AFAP1L2: variants seen among roughly 807,000 people sequenced by gnomAD.
AFAP1L2 encodes actin filament-associated protein 1-like 2.
Under a neutral mutation model 99.3 loss-of-function variants are expected in AFAP1L2, and 46 were observed. The observed-to-expected ratio is 0.46, with a 90% CI of 0.37 to 0.59. The LOEUF (loss-of-function observed/expected upper bound fraction) is 0.59, where lower values mean the gene tolerates loss of function less well. Ranked by LOEUF, AFAP1L2 falls within the 20% of genes least tolerant of loss-of-function variation. The pLI is 0.00. For synonymous variants in AFAP1L2, 397 were observed against 419.1 expected (o/e 0.95, Z 0.64); for missense variants, 959 against 1,034.9 (o/e 0.93, Z 1.01).
rs2040897218 is a variant in AFAP1L2 at position 114,300,213 on chromosome 10, C to T, written c.1938G>A (p.Arg646=). The change falls in exon 15 of 19, where the codon AGG becomes AGA. Residue 646 remains arginine (R), a synonymous_variant. Transcript: ENST00000304129. ...PPGASPPVKD[R]LRVTSAEIKL... Reference sequence around the variant, plus strand: ...AAGTACCTGCACTGGTCACGCGCAACCTGTCCTTCACAGGTGGGCTGGCAC... The same window carrying T: ...AAGTACCTGCACTGGTCACGCGCAATCTGTCCTTCACAGGTGGGCTGGCAC... 1 of 1,614,200 alleles carries T rather than the reference C, an allele frequency of 6.2e-7. No homozygotes were observed. The highest frequency in any genetic ancestry group is 8.5e-7 in the Non-Finnish European group (1 of 1,180,040).
In AFAP1L2 at chr10:114,318,442, T is replaced by C. The variant is rs563985844; in HGVS notation, c.407-2677A>G. On this transcript the variant is annotated intron_variant, in intron 5 of 18. Transcript: ENST00000304129. The stretch of plus-strand genomic sequence containing the variant: ...AGGACTAGGTATGAAAGAAAAAACA[T>C]TGAGAAAAAAAAGAGGCTGGGCATG... Among the ~76,000 whole-genome samples, 5 of 151,840 alleles carry C rather than the reference T, an allele frequency of 3.3e-5. 1 individual carries two copies. In the South Asian group the frequency reaches 1.0e-3, roughly 32 times the overall value.
intron 1 of AFAP1L2, among the ~76,000 whole-genome samples, chr10:114,361,234 A>C (rs2052364277): frequency 6.6e-6 from 1 of 152,182 alleles, no homozygotes; most frequent in Admixed American, 6.5e-5. Context: ...AAGAGATTTG[A>C]GTGGGGACAC....
At chr10:114,304,604 AAC>A in intron 11 of AFAP1L2, 113 bp downstream of exon 11, 1 of 1,078,452 alleles carries the variant, frequency 9.3e-7, no homozygotes, top group African/African-American at 1.6e-5. Flanking sequence ...AAGTAAAAAT[AAC>A]ACGCGGGGAC....
intron 1 of AFAP1L2, among the ~76,000 whole-genome samples, chr10:114,341,596 A>T (rs1432560766): frequency 6.8e-6 from 1 of 146,612 alleles, no homozygotes; most frequent in Admixed American, 7.1e-5. Flanking sequence ...CTGGTGACAG[A>T]GCAAGACTCC....
At chr10:114,399,099 A>G (rs185071407) in intron 1 of AFAP1L2, among the ~76,000 whole-genome samples, 14 of 152,208 alleles carry the variant, frequency 9.2e-5, no homozygotes, top group East Asian at 7.7e-4. Flanking sequence ...CCACTCCCCA[A>G]TCATGTCCCA....
intron 1 of AFAP1L2, among the ~76,000 whole-genome samples, chr10:114,382,862 T>G (rs1018577745): frequency 6.6e-6 from 1 of 152,146 alleles, no homozygotes; most frequent in African/African-American, 2.4e-5. Context: ...CCCAAAATGC[T>G]AGGATTATAG....
chr10:114,387,270 C>T (rs1420320965), intron 1 of AFAP1L2, among the ~76,000 whole-genome samples: 1 of 152,144 alleles, frequency 6.6e-6, no homozygotes, highest in African/African-American at 2.4e-5. Context: ...ATTGATCTTC[C>T]CAGCATTCTG....
rs780177245 is a variant in AFAP1L2, at chr10:114,333,216, C to T, written c.220+5G>A. 1.9e-6 allele frequency: 3 copies of T among 1,612,514 alleles called. No individual in the cohort carries two copies. The highest frequency in any genetic ancestry group is 2.2e-5 in the South Asian group (2 of 91,030). ...ATACCAGCGTCAGTGATCCCAGCCT[C>T]ATACCTTTGCCTTGAGACTCTGCAT... On this transcript the variant is annotated splice_donor_5th_base_variant and intron_variant, in intron 3 of 18. Transcript: ENST00000304129.
the AFAP1L2 span, chr10:114,286,023 G>T: frequency 5.0e-6 from 8 of 1,614,112 alleles, no homozygotes; most frequent in Admixed American, 1.7e-5. Context: ...GGCTTCCTGC[G>T]GGCCAAAGTC....
At chr10:114,329,165 C>T (rs1189488653) in intron 4 of AFAP1L2, among the ~76,000 whole-genome samples, 1 of 152,158 alleles carries the variant, frequency 6.6e-6, no homozygotes, top group Non-Finnish European at 1.5e-5. Flanking sequence ...TCCTTTCAAA[C>T]AGGGACACAA....
chr10:114,356,687 C>T (rs942178830), intron 1 of AFAP1L2, among the ~76,000 whole-genome samples: 1 of 152,246 alleles, frequency 6.6e-6, no homozygotes, highest in Non-Finnish European at 1.5e-5. Flanking sequence ...AAAGGGACTT[C>T]ATCCAAGTTG....
At chr10:114,328,523 G>A (rs1411184222) in intron 4 of AFAP1L2, among the ~76,000 whole-genome samples, 7 of 152,178 alleles carry the variant, frequency 4.6e-5, no homozygotes, top group Non-Finnish European at 8.8e-5. Context: ...GTTCCAGCCT[G>A]AGCTGGACAG....
chr10:114,365,778 T>G (rs1365664840), intron 1 of AFAP1L2, among the ~76,000 whole-genome samples: 1 of 151,778 alleles, frequency 6.6e-6, no homozygotes, highest in East Asian at 1.9e-4. Context: ...CAGACTGGAA[T>G]GCAGTGGCAT....
chr10:114,313,542 G>A (rs1308200171), intron 7 of AFAP1L2, among the ~76,000 whole-genome samples: 1 of 152,204 alleles, frequency 6.6e-6, no homozygotes, highest in African/African-American at 2.4e-5. Flanking sequence ...GGTTAAAGAT[G>A]CTAATAGTCC....
chr10:114,288,627 G>A, the AFAP1L2 span, among the ~76,000 whole-genome samples: 1 of 152,210 alleles, frequency 6.6e-6, no homozygotes, highest in African/African-American at 2.4e-5. Flanking sequence ...GGGGAGAGGG[G>A]AAGTGGAAGG....
At chr10:114,308,770 G>T (rs1465258893) in intron 8 of AFAP1L2, among the ~76,000 whole-genome samples, 2 of 152,208 alleles carry the variant, frequency 1.3e-5, no homozygotes, top group Admixed American at 1.3e-4. Context: ...CTCAGGGGTG[G>T]CATTAGAGTC....
intron 1 of AFAP1L2, among the ~76,000 whole-genome samples, chr10:114,355,619 CA>C (rs1297199168): frequency 6.6e-6 from 1 of 151,946 alleles, no homozygotes; most frequent in Non-Finnish European, 1.5e-5. Context: ...CTTTGCAATA[CA>C]TGTAGTAGAA....
chr10:114,335,327 A>G (rs1007680946), intron 2 of AFAP1L2, among the ~76,000 whole-genome samples: 1 of 152,104 alleles, frequency 6.6e-6, no homozygotes, highest in Non-Finnish European at 1.5e-5. Flanking sequence ...AGAATACAAC[A>G]TATGGCCGGG....
At chr10:114,399,000 C>T (rs2057999201) in intron 1 of AFAP1L2, 4 of 1,079,718 alleles carry the variant, frequency 3.7e-6, no homozygotes, top group Non-Finnish European at 3.8e-6. Context: ...TGAGATTTTG[C>T]TTCATTTCTT....
Sources: allele counts gnomAD v4.1 joint callset (sites outside exome capture counted in the v4.1 genomes callset), GRCh38; gene constraint gnomAD v4.1.1; transcripts MANE v1.5; gene names NCBI Gene and HGNC (gene_info 2026-07-23, HGNC 2026-07-21).